SV2C: variants seen among roughly 807,000 people sequenced by gnomAD.
The protein encoded by SV2C is solute carrier family 22 member B3.
A neutral mutation model predicts 79.7 loss-of-function variants in SV2C; 49 were observed. The ratio of observed to expected loss-of-function variants is 0.61; its 90% CI spans 0.49 to 0.78. The LOEUF is 0.78. SV2C is among the 30% of genes least tolerant of loss of function. SV2C has a pLI of 0.00. For synonymous variants in SV2C, 334 were observed against 333.2 expected (o/e 1.00, Z -0.03); for missense variants, 833 against 912.9 (o/e 0.91, Z 1.13).
At chr5:76,341,082 C>G (rs1749432593) in intron 12 of SV2C, among the ~76,000 whole-genome samples, 1 of 152,110 alleles carries the variant, frequency 6.6e-6, no homozygotes, top group South Asian at 2.1e-4. Flanking sequence ...AAGTGCCCAC[C>G]ACCATGCCTA....
chr5:76,340,181 G>A (rs7713262), intron 12 of SV2C, among the ~76,000 whole-genome samples: 107,311 of 152,090 alleles, frequency 0.71, 39,005 homozygotes, highest in East Asian at 0.96. Context: ...GGTCTAAAAG[G>A]GGGAGGAACC....
At chr5:76,194,601 C>T (rs1480531220) in intron 2 of SV2C, among the ~76,000 whole-genome samples, 1 of 152,198 alleles carries the variant, frequency 6.6e-6, no homozygotes, top group East Asian at 1.9e-4. Flanking sequence ...TGTAGTAACC[C>T]AGCCTAAATA....
At chr5:76,126,874 C>A (rs1040379535) in intron 1 of SV2C, among the ~76,000 whole-genome samples, 4 of 152,042 alleles carry the variant, frequency 2.6e-5, no homozygotes, top group African/African-American at 9.7e-5. Context: ...TTGTTACTGG[C>A]CAGGTTTCAG....
In SV2C at chr5:76,209,725, C is replaced by A. The variant is rs764088767; in HGVS notation, c.762-11C>A. Reference sequence around the variant, plus strand: ...ACCCTGATTTCATGTATTCTCTGTACCTCTTGGCAGGATTGGAGGAGCCAT... The same window carrying A: ...ACCCTGATTTCATGTATTCTCTGTAACTCTTGGCAGGATTGGAGGAGCCAT... On this transcript the variant is annotated splice_polypyrimidine_tract_variant and intron_variant, in intron 3 of 12. Transcript: ENST00000502798. The A allele has an allele frequency of 6.2e-7, 1 of 1,612,832 alleles. No individual in the cohort carries two copies.
the SV2C span, among the ~76,000 whole-genome samples, chr5:75,944,620 G>A: frequency 2.0e-5 from 3 of 152,092 alleles, no homozygotes; most frequent in East Asian, 5.8e-4. Flanking sequence ...AGGGTTTCAT[G>A]GATTTTTTTC....
the SV2C span, among the ~76,000 whole-genome samples, chr5:76,062,471 C>G: frequency 6.6e-6 from 1 of 152,034 alleles, no homozygotes. Context: ...CTGCTGGCAC[C>G]TTGATGTTGG....
chr5:76,131,622 A>G (rs1004351136), intron 1 of SV2C, 28 bp from the exon 2 acceptor site: 4 of 594,960 alleles, frequency 6.7e-6, no homozygotes, highest in Non-Finnish European at 1.1e-5. Context: ...AGGAATAATA[A>G]GTATCTCCTC....
At chr5:76,079,032 C>T (rs772335623), upstream of SV2C, 17 of 419,084 alleles carry the variant, frequency 4.1e-5, no homozygotes, top group African/African-American at 3.3e-4. Context: ...GGGCCATCAA[C>T]AGACATTGGT....
chr5:75,909,428 T>C, the SV2C span, among the ~76,000 whole-genome samples: 1 of 152,212 alleles, frequency 6.6e-6, no homozygotes, highest in African/African-American at 2.4e-5. Flanking sequence ...TAGCTAATTG[T>C]AGCTGCTGGG....
In SV2C at chr5:76,341,474, G is replaced by A. The variant is rs558803115; in HGVS notation, c.2001-11656G>A. Among the ~76,000 whole-genome samples, 5 of 152,280 alleles carry A rather than the reference G, an allele frequency of 3.3e-5. No homozygotes were observed. The South Asian group carries it at 1.0e-3, about 32-fold the overall frequency. ...GGGACTTATGCAAATGGAGGTGCCGGGGCTTAAGTCTCAGTAGCTTCATAG... is the reference window on the plus strand; with the variant it reads ...GGGACTTATGCAAATGGAGGTGCCGAGGCTTAAGTCTCAGTAGCTTCATAG... On this transcript the variant is annotated intron_variant, in intron 12 of 12. Transcript: ENST00000322285.
chr5:76,070,282 G>A, the SV2C span, among the ~76,000 whole-genome samples: 7 of 152,136 alleles, frequency 4.6e-5, no homozygotes, highest in African/African-American at 1.7e-4. Context: ...CTCATCAAGT[G>A]TCCTGTTTAT....
chr5:76,049,075 T>C, the SV2C span, among the ~76,000 whole-genome samples: 3 of 150,944 alleles, frequency 2.0e-5, no homozygotes, highest in African/African-American at 7.3e-5. Context: ...CGGTGGCTCA[T>C]GCCTATAATC....
chr5:76,016,904 G>A, the SV2C span, among the ~76,000 whole-genome samples: 2 of 152,218 alleles, frequency 1.3e-5, no homozygotes, highest in African/African-American at 4.8e-5. Context: ...GCAGGCAAAG[G>A]TGGTGCATGT....
intron 4 of SV2C, among the ~76,000 whole-genome samples, chr5:76,254,869 T>G (rs931461548): frequency 9.2e-5 from 14 of 152,192 alleles, no homozygotes; most frequent in Non-Finnish European, 1.6e-4. Flanking sequence ...AAGAAAATGA[T>G]CAAAAGCATC....
the SV2C span, among the ~76,000 whole-genome samples, chr5:76,068,038 G>A: frequency 5.3e-5 from 8 of 151,708 alleles, no homozygotes; most frequent in Admixed American, 1.3e-4. Flanking sequence ...TTATTCTTAC[G>A]TCTCAAATCT....
chr5:76,033,293 T>C, the SV2C span, among the ~76,000 whole-genome samples: 2 of 152,086 alleles, frequency 1.3e-5, no homozygotes, highest in Admixed American at 6.5e-5. Flanking sequence ...TGCCATTGCT[T>C]TTGGTGTTTT....
intron 4 of SV2C, among the ~76,000 whole-genome samples, chr5:76,252,081 A>G (rs1746131713): frequency 6.6e-6 from 1 of 152,222 alleles, no homozygotes; most frequent in African/African-American, 2.4e-5. Context: ...AAACTAGAGT[A>G]TGCAAACTCA....
chr5:76,128,299 A>G (rs930120540), intron 1 of SV2C, among the ~76,000 whole-genome samples: 5 of 152,208 alleles, frequency 3.3e-5, no homozygotes, highest in African/African-American at 9.7e-5. Flanking sequence ...ACATTTTAAA[A>G]TTATTACCCA....
At chr5:76,352,921 C>CT (rs1378935757) in intron 12 of SV2C, among the ~76,000 whole-genome samples, 4 of 146,944 alleles carry the variant, frequency 2.7e-5, no homozygotes, top group South Asian at 2.2e-4. Context: ...TATTGAAATT[C>CT]TTTTTTTTAT....
Sources: gnomAD v4.1 joint callset for allele counts (sites outside exome capture counted in the v4.1 genomes callset) on GRCh38, gnomAD v4.1.1 for gene constraint, MANE v1.5 for transcripts, NCBI Gene and HGNC (gene_info 2026-07-23, HGNC 2026-07-21) for gene names.